Variants in ABLIM2 observed in about 807,000 individuals in gnomAD.
ABLIM2 encodes actin binding LIM protein family member 2.
In ABLIM2, 53 loss-of-function variants were observed where a neutral mutation model predicts 97.7. That is an observed-to-expected ratio of 0.54 (90% CI 0.44 to 0.68). The LOEUF (loss-of-function observed/expected upper bound fraction) is 0.68, where lower values mean the gene tolerates loss of function less well. Ranked by LOEUF, ABLIM2 falls within the 30% of genes least tolerant of loss-of-function variation. The probability of loss-of-function intolerance (pLI) is 0.00; values close to 1 mark genes in which losing one functional copy is unlikely to be tolerated. For missense variants in ABLIM2, 835 were observed against 867.2 expected, an observed-to-expected ratio of 0.96 and a Z score of 0.47; for synonymous variants, 361 against 345.8, an observed-to-expected ratio of 1.04 and a Z score of -0.49.
intron 14 of ABLIM2, among the ~76,000 whole-genome samples, chr4:8,014,661 G>A (rs558813766): frequency 6.6e-6 from 1 of 152,348 alleles, no homozygotes; most frequent in African/African-American, 2.4e-5. Flanking sequence ...ACTGGGACAA[G>A]CCTAGCACAT....
intron 1 of ABLIM2, among the ~76,000 whole-genome samples, chr4:8,111,858 C>G (rs1332442452): frequency 1.4e-5 from 2 of 143,912 alleles, no homozygotes; most frequent in African/African-American, 5.2e-5. Context: ...ACCCGGGAGG[C>G]AGAGGTCGCA....
At chr4:7,979,090 T>A (rs1475126882) in intron 20 of ABLIM2, among the ~76,000 whole-genome samples, 1 of 152,242 alleles carries the variant, frequency 6.6e-6, no homozygotes, top group Non-Finnish European at 1.5e-5. Flanking sequence ...CCTAGCCAGT[T>A]CCTGCTGCCT....
chr4:8,056,931 CAAAAAAAAAAAAA>C (rs10584281), intron 7 of ABLIM2, among the ~76,000 whole-genome samples: 1 of 43,104 alleles, frequency 2.3e-5, no homozygotes, highest in African/African-American at 1.1e-4. Flanking sequence ...AACTCCGTCT[CAAAAAAAAAAAAA>C]AAAAAAAAAA....
rs978739901 is a variant in ABLIM2 at position 8,124,135 on chromosome 4, T to A, written c.11-17498A>T. ...TATGATATGACATCACAACCTAGAA[T>A]AATTCATCTATCTTCTCATAAGGCA... is the stretch of plus-strand genomic sequence containing the variant. On this transcript the variant is annotated intron_variant, in intron 1 of 20. Transcript: ENST00000447017. The surrounding 1 kb of genome is among the most constrained non-coding windows in gnomAD (Gnocchi z 6.1). Among the ~76,000 whole-genome samples the A allele has an allele frequency of 6.6e-6, 1 of 152,170 alleles. No homozygotes were observed. The highest frequency in any genetic ancestry group is 1.5e-5 in the Non-Finnish European group (1 of 68,036).
chr4:8,059,498 G>C (rs1801461442), intron 7 of ABLIM2, among the ~76,000 whole-genome samples: 1 of 151,930 alleles, frequency 6.6e-6, no homozygotes, highest in African/African-American at 2.4e-5. Context: ...CCTCCCCCTT[G>C]CCTAAGGTGC....
At chr4:8,047,464 C>A (rs187180444) in intron 8 of ABLIM2, among the ~76,000 whole-genome samples, 1 of 152,268 alleles carries the variant, frequency 6.6e-6, no homozygotes, top group African/African-American at 2.4e-5. Flanking sequence ...TGGTGCAACA[C>A]ACCAGGTGGG....
rs1156536704 is a variant in ABLIM2, at chr4:8,033,163, C to A, written c.1047+2986G>T. On this transcript the variant is annotated intron_variant, in intron 10 of 20. Transcript: ENST00000447017. This position sits in a 1 kb window ranked among gnomAD's most constrained non-coding sequence, Gnocchi z 4.5. The stretch of plus-strand genomic sequence containing the variant: ...CCTGGGGCCCTAGACAGCAGGCTGA[C>A]CCGTCTTCCCAGGCTGGCACCCCAT... 6.6e-6 allele frequency among the ~76,000 whole-genome samples: 1 copy of A among 152,218 alleles called. No individual in the cohort carries two copies. The highest frequency in any genetic ancestry group is 2.4e-5 in the African/African-American group (1 of 41,462).
rs1379143445 is a variant in ABLIM2 at position 8,132,174 on chromosome 4, A to G, written c.11-25537T>C. On this transcript the variant is annotated intron_variant, in intron 1 of 20. Coordinates refer to ENST00000447017, the MANE Select transcript of ABLIM2 (RefSeq NM_001130083.2). The surrounding 1 kb of genome is among the most constrained non-coding windows in gnomAD (Gnocchi z 8.0). ...AGGAAACAGCGTACATGGTCCCACG[A>G]GGCTGCAATCACCCCCCTGCTCACT... 6.6e-6 allele frequency among the ~76,000 whole-genome samples: 1 copy of G among 151,806 alleles called. No homozygotes were observed. Among genetic ancestry groups the G allele is most frequent in the Non-Finnish European group, 1.5e-5 (1 of 67,950 alleles).
rs1207549972 is a variant in ABLIM2 at position 8,155,891 on chromosome 4, G to T, written c.10+2789C>A. Among the ~76,000 whole-genome samples the T allele has an allele frequency of 6.6e-6, 1 of 152,092 alleles. No individual in the cohort carries two copies. Among genetic ancestry groups the T allele is most frequent in the Non-Finnish European group, 1.5e-5 (1 of 68,014 alleles). On this transcript the variant is annotated intron_variant, in intron 1 of 20. Coordinates refer to ENST00000447017, the MANE Select transcript of ABLIM2 (RefSeq NM_001130083.2). This position sits in a 1 kb window ranked among gnomAD's most constrained non-coding sequence, Gnocchi z 4.2. ...GGGGCGAGGACACAGGGAGAGGGCG[G>T]CCGTCCACAAGCCAAGGAGAGGGGC...
intron 20 of ABLIM2, among the ~76,000 whole-genome samples, chr4:7,983,063 T>C (rs1740105844): frequency 6.6e-6 from 1 of 152,196 alleles, no homozygotes; most frequent in South Asian, 2.1e-4. Flanking sequence ...GTGGTCTTCT[T>C]TGCAAAGCCA....
chr4:8,108,294 C>T (rs1039106162), intron 1 of ABLIM2, among the ~76,000 whole-genome samples: 10 of 152,348 alleles, frequency 6.6e-5, no homozygotes, highest in African/African-American at 1.9e-4. Context: ...CAGCCCAGGG[C>T]GGGCTTTCAC....
rs369186050 is a variant in ABLIM2, at chr4:8,084,668, G to A, written c.454+3501C>T. 2.2e-3 allele frequency among the ~76,000 whole-genome samples: 336 copies of A among 152,342 alleles called. 2 individuals are homozygous for A. Among genetic ancestry groups the A allele is most frequent in the African/African-American group, 7.7e-3 (320 of 41,588 alleles). ...CAGGGGATGGAGCTAAAGAGCCAGG[G>A]GCGGCCAGGCCCAAGAAGTGGCTGT... On this transcript the variant is annotated intron_variant, in intron 4 of 20. Transcript: ENST00000447017.
chr4:8,104,371 C>A (rs1176463672), intron 2 of ABLIM2, among the ~76,000 whole-genome samples: 3 of 152,212 alleles, frequency 2.0e-5, no homozygotes, highest in Non-Finnish European at 4.4e-5. Context: ...CCCATGAGGA[C>A]TGGGCTTCAC....
At position 7,965,742 on chromosome 4, in the gene ABLIM2, C is replaced by CG. The variant is rs1421299789; in HGVS notation, c.*1247dup. 2 of 152,300 alleles carry CG rather than the reference C, an allele frequency of 1.3e-5. No individual in the cohort carries two copies. The highest frequency in any genetic ancestry group is 2.9e-5 in the Non-Finnish European group (2 of 68,124). The allele number at this position is 152,300 out of a possible 1,614,324, so 9.4% of individuals were successfully genotyped here. On this transcript the variant is annotated 3_prime_UTR_variant, in exon 21 of 21. Coordinates refer to ENST00000447017, the MANE Select transcript of ABLIM2 (RefSeq NM_001130083.2). ...GGGGAGCCCGGCCAGCCTCCTGCTC[C>CG]GGGATGCCCTGCTGGCTTCAAAGAT...
In ABLIM2 at chr4:7,966,922, G is replaced by C. The variant is rs1173328236; in HGVS notation, c.*68C>G. The C allele has an allele frequency of 3.9e-6, 4 of 1,038,596 alleles. No individual in the cohort carries two copies. Among genetic ancestry groups the C allele is most frequent in the Non-Finnish European group, 5.9e-6 (4 of 678,792 alleles). The allele number at this position is 1,038,596 out of a possible 1,614,324, so 64.3% of individuals were successfully genotyped here. On this transcript the variant is annotated 3_prime_UTR_variant, in exon 21 of 21. Coordinates refer to ENST00000447017, the MANE Select transcript of ABLIM2 (RefSeq NM_001130083.2). ...AGAGCAAGGTGTGTGGGAGGGGTGT[G>C]TGCGGTTCTCGCCAGGGGCCCCTGG...
chr4:8,153,708 G>GCCCTTCTCA (rs1713926010), intron 1 of ABLIM2, among the ~76,000 whole-genome samples: 1 of 144,340 alleles, frequency 6.9e-6, no homozygotes, highest in African/African-American at 2.9e-5. Flanking sequence ...TACCAGCGCT[G>GCCCTTCTCA]GAGGCAGAGT....
chr4:8,119,910 G>T (rs760074116), intron 1 of ABLIM2, among the ~76,000 whole-genome samples: 1 of 152,122 alleles, frequency 6.6e-6, no homozygotes, highest in African/African-American at 2.4e-5. Flanking sequence ...CTTCGCCTCC[G>T]CTCAGATCTG....
chr4:8,055,347 C>T (rs1298954106), intron 7 of ABLIM2, among the ~76,000 whole-genome samples: 10 of 151,974 alleles, frequency 6.6e-5, no homozygotes, highest in African/African-American at 2.2e-4. Context: ...ACTGTGCTCA[C>T]ACACCCAGCC....
At chr4:8,000,340 G>C (rs1401753891) in intron 16 of ABLIM2, among the ~76,000 whole-genome samples, 1 of 152,118 alleles carries the variant, frequency 6.6e-6, no homozygotes, top group Non-Finnish European at 1.5e-5. Context: ...GTGTGCTCAC[G>C]TGCAAGCTCC....
Sources: gnomAD v4.1 joint callset for allele counts (sites outside exome capture counted in the v4.1 genomes callset) on GRCh38, gnomAD v4.1.1 for gene constraint, Gnocchi (gnomAD v3.1) non-coding constraint, MANE v1.5 for transcripts, NCBI Gene and HGNC (gene_info 2026-07-23, HGNC 2026-07-21) for gene names.